ERAP1: variants seen among roughly 807,000 people sequenced by gnomAD.
ERAP1 encodes the protein adipocyte-derived leucine aminopeptidase.
Under a neutral mutation model 103.7 loss-of-function variants are expected in ERAP1, and 86 were observed. The observed-to-expected ratio is 0.83, with a 90% CI of 0.70 to 0.99. ERAP1 has a LOEUF of 0.99. Among genes scored for constraint, ERAP1 ranks in the 50% least tolerant of loss-of-function variants. ERAP1 has a pLI of 0.00. For missense variants in ERAP1, 1,009 were observed against 1,128.4 expected, an observed-to-expected ratio of 0.89 and a Z score of 1.52; for synonymous variants, 398 against 402.4, an observed-to-expected ratio of 0.99 and a Z score of 0.13.
intron 19 of ERAP1, chr5:96,767,502 ATT>A (rs1174330437): frequency 1.2e-6 from 2 of 1,604,616 alleles, no homozygotes; most frequent in African/African-American, 2.7e-5. Context: ...ATAGGAACAT[ATT>A]TCCATTAAAT....
At chr5:96,922,056 TG>T in the ERAP1 span, among the ~76,000 whole-genome samples, 1 of 151,102 alleles carries the variant, frequency 6.6e-6, no homozygotes, top group African/African-American at 2.4e-5. Flanking sequence ...CCCAGCACTT[TG>T]GGAGGCCGAG....
Position 96,781,830 on chromosome 5 carries a change from T to C in ERAP1, c.2310A>G (p.Ala770=). Residue 770 remains alanine, a synonymous_variant, in exon 16 of 19, where the codon GCA becomes GCG. Transcript: ENST00000443439. The stretch of plus-strand genomic sequence containing the variant: ...TGCTCTGGGCCCCCACAGCAAACAC[T>C]GCCAAGGTCACGTCGACAGGCAGGC... The part of the protein sequence containing the change: ...NLSLPVDVTL[A]VFAVGAQSTE... 1 of 1,614,040 alleles carries C rather than the reference T, an allele frequency of 6.2e-7. No homozygotes were observed. The highest frequency in any genetic ancestry group is 1.1e-5 in the South Asian group (1 of 91,072).
At chr5:96,770,851 C>T (rs570265328), downstream of ERAP1, among the ~76,000 whole-genome samples, 2 of 152,216 alleles carry the variant, frequency 1.3e-5, no homozygotes, top group African/African-American at 4.8e-5. Flanking sequence ...TTTTGCCTGT[C>T]TTTCTTGCCC....
At chr5:96,765,252 A>G in intron 19 of ERAP1, 1 of 1,606,500 alleles carries the variant, frequency 6.2e-7, no homozygotes, top group African/African-American at 1.3e-5. Flanking sequence ...GATGCCTTGG[A>G]TAAACTCTCT....
At chr5:96,863,334 C>T in the ERAP1 span, among the ~76,000 whole-genome samples, 1 of 152,308 alleles carries the variant, frequency 6.6e-6, no homozygotes, top group East Asian at 1.9e-4. Flanking sequence ...CGTCCACCTC[C>T]TTAGCCCTCT....
chr5:96,783,223 T>C lies in ERAP1; in HGVS notation c.2113A>G (p.Arg705Gly). 4 of 1,611,418 alleles carry C rather than the reference T, an allele frequency of 2.5e-6. No homozygotes were observed. Among genetic ancestry groups the C allele is most frequent in the Non-Finnish European group, 3.4e-6 (4 of 1,177,666 alleles). Residue 705 changes from arginine (R) to glycine (G), a missense_variant, in exon 15 of 19, where the codon AGG becomes GGG. Arg to Gly is a moderately radical substitution (Grantham distance 125). Transcript: ENST00000443439. ...TTATCAATGAGGTCCCTTAGCAGCC[T>C]GATGAGGAAGGCCTGAGGGCGTTGT... is the stretch of plus-strand genomic sequence containing the variant. ...VETQFKAFLI[R>G]LLRDLIDKQT... is the part of the protein sequence containing the mutation.
intron 3 of ERAP1, among the ~76,000 whole-genome samples, chr5:96,799,625 T>A (rs1008719594): frequency 2.0e-5 from 3 of 152,204 alleles, no homozygotes; most frequent in Non-Finnish European, 4.4e-5. Context: ...TTCCCATCCC[T>A]GGTCCTTTAT....
At position 96,775,522 on chromosome 5, in the gene ERAP1, G is replaced by GAAAT. The variant is rs1186771289; in HGVS notation, c.*870_*873dup. 2.2e-5 allele frequency: 20 copies of GAAAT among 901,674 alleles called. No homozygotes were observed. The highest frequency in any genetic ancestry group is 2.5e-5 in the Non-Finnish European group (20 of 790,504). 55.9% of individuals were successfully genotyped at this position (901,674 alleles called of 1,614,324 possible). On this transcript the variant is annotated 3_prime_UTR_variant, in exon 19 of 19. Coordinates refer to ENST00000443439, the MANE Select transcript of ERAP1 (RefSeq NM_001040458.3). ...CAGAAGAGATACTGTACCAGTCAGG[G>GAAAT]AAATAGATGACACTCACTCAGAATT...
the ERAP1 span, among the ~76,000 whole-genome samples, chr5:96,825,616 C>T: frequency 3.3e-3 from 505 of 152,256 alleles, 2 homozygotes; most frequent in Non-Finnish European, 5.3e-3. Flanking sequence ...AAGACAAGCA[C>T]AGGCAGGGAA....
chr5:96,898,470 G>A, the ERAP1 span, among the ~76,000 whole-genome samples: 6 of 151,536 alleles, frequency 4.0e-5, no homozygotes, highest in Admixed American at 2.6e-4. Context: ...GGCCTGGTGC[G>A]GTGGCTCATG....
At chr5:96,787,806 A>G (rs149512706) in intron 11 of ERAP1, among the ~76,000 whole-genome samples, 14,072 of 91,536 alleles carry the variant, frequency 0.15, 845 homozygotes, top group Non-Finnish European at 0.22. Context: ...ATGTGTGTGT[A>G]TATATATACA....
chr5:96,847,109 G>A, the ERAP1 span, among the ~76,000 whole-genome samples: 1 of 150,566 alleles, frequency 6.6e-6, no homozygotes, highest in Non-Finnish European at 1.5e-5. Context: ...ATAGCTGGAC[G>A]TGGCTGCGTG....
At chr5:96,877,792 G>A in the ERAP1 span, among the ~76,000 whole-genome samples, 2 of 152,028 alleles carry the variant, frequency 1.3e-5, no homozygotes, top group Admixed American at 6.6e-5. Flanking sequence ...CTTATCAGAC[G>A]TTCTTGGAAC....
At chr5:96,929,599 C>T in the ERAP1 span, among the ~76,000 whole-genome samples, 1 of 151,934 alleles carries the variant, frequency 6.6e-6, no homozygotes, top group Non-Finnish European at 1.5e-5. Flanking sequence ...TCTGCCTCCT[C>T]AGTTAAATGA....
At chr5:96,854,236 C>A in the ERAP1 span, among the ~76,000 whole-genome samples, 1 of 152,204 alleles carries the variant, frequency 6.6e-6, no homozygotes, top group Admixed American at 6.5e-5. Context: ...CATGCAAAGA[C>A]ACCACTTAGC....
intron 3 of ERAP1, among the ~76,000 whole-genome samples, chr5:96,799,331 G>A (rs778152543): frequency 3.3e-5 from 5 of 151,992 alleles, no homozygotes; most frequent in Admixed American, 6.6e-5. Context: ...AGACCCCATT[G>A]TTCTCCCCTC....
At chr5:96,787,286 A>T (rs1418867247) in intron 11 of ERAP1, among the ~76,000 whole-genome samples, 1 of 152,108 alleles carries the variant, frequency 6.6e-6, no homozygotes, top group African/African-American at 2.4e-5. Flanking sequence ...TTGTTTTGAG[A>T]TGGAGTTTCG....
chr5:96,890,156 A>G, the ERAP1 span, among the ~76,000 whole-genome samples: 1 of 152,138 alleles, frequency 6.6e-6, no homozygotes, highest in Non-Finnish European at 1.5e-5. Flanking sequence ...AAAAAACGTT[A>G]TTTTTAGAAG....
chr5:96,873,481 A>T, the ERAP1 span: 2 of 454,572 alleles, frequency 4.4e-6, no homozygotes, highest in African/African-American at 4.0e-5. Flanking sequence ...AGCATGTGTT[A>T]CTTCCAAAGT....
Sources: allele counts gnomAD v4.1 joint callset (sites outside exome capture counted in the v4.1 genomes callset), GRCh38; gene constraint gnomAD v4.1.1; transcripts MANE v1.5; gene names NCBI Gene and HGNC (gene_info 2026-07-23, HGNC 2026-07-21).